Variants in FBXO10 observed in about 807,000 individuals in gnomAD.
The protein encoded by FBXO10 is F-box protein 10.
In FBXO10, 39 loss-of-function variants were observed where a neutral mutation model predicts 80.7. The ratio of observed to expected loss-of-function variants is 0.48; its 90% confidence interval spans 0.37 to 0.63. FBXO10 has a LOEUF of 0.63. Among genes scored for constraint, FBXO10 ranks in the 30% least tolerant of loss-of-function variants. FBXO10 has a pLI of 0.00. For synonymous variants in FBXO10, 449 were observed against 489.6 expected (o/e 0.92, Z 1.09); for missense variants, 1,025 against 1,269.0 (o/e 0.81, Z 2.92).
At chr9:37,558,663 C>T (rs1422485066) in intron 1 of FBXO10, among the ~76,000 whole-genome samples, 1 of 151,936 alleles carries the variant, frequency 6.6e-6, no homozygotes, top group Non-Finnish European at 1.5e-5. Context: ...GAAATGAGCC[C>T]CCATCATGCC....
At chr9:37,571,273 C>T (rs1822749519) in intron 1 of FBXO10, among the ~76,000 whole-genome samples, 1 of 152,064 alleles carries the variant, frequency 6.6e-6, no homozygotes. Context: ...ATTTCTGGAC[C>T]AACTGCAGCA....
At chr9:37,545,701 G>A (rs1433827456) in intron 1 of FBXO10, among the ~76,000 whole-genome samples, 1 of 152,190 alleles carries the variant, frequency 6.6e-6, no homozygotes, top group Non-Finnish European at 1.5e-5. Flanking sequence ...TCAACATCAT[G>A]TCCAAAATGG....
At chr9:37,516,439 GCTCCCAC>G (rs1280788591) in intron 9 of FBXO10, among the ~76,000 whole-genome samples, 1 of 152,164 alleles carries the variant, frequency 6.6e-6, no homozygotes, top group Non-Finnish European at 1.5e-5. Context: ...CCCTTCCTCT[GCTCCCAC>G]AGTGCTCAGA....
At chr9:37,545,412 T>G (rs187574673) in intron 1 of FBXO10, among the ~76,000 whole-genome samples, 4 of 152,080 alleles carry the variant, frequency 2.6e-5, no homozygotes, top group Non-Finnish European at 5.9e-5. Context: ...CTCCTAACCT[T>G]GTGATCTGCC....
chr9:37,571,714 C>CATAT (rs71494672), intron 1 of FBXO10, among the ~76,000 whole-genome samples: 3,212 of 92,970 alleles, frequency 0.035, 66 homozygotes, highest in Middle Eastern at 0.048. Context: ...AAAAGAGAGC[C>CATAT]ATATATATAT....
intron 1 of FBXO10, among the ~76,000 whole-genome samples, chr9:37,551,935 A>G (rs1049023090): frequency 1.3e-5 from 2 of 152,202 alleles, no homozygotes; most frequent in African/African-American, 2.4e-5. Context: ...CTGCCAAATC[A>G]CCTAGCTTTT....
chr9:37,539,561 T>C (rs1356996891), intron 2 of FBXO10, among the ~76,000 whole-genome samples: 2 of 152,184 alleles, frequency 1.3e-5, no homozygotes, highest in South Asian at 2.1e-4. Context: ...GAAATCAAAA[T>C]ATTACTCTAA....
chr9:37,532,570 T>A (rs1821657410), intron 3 of FBXO10, among the ~76,000 whole-genome samples: 1 of 152,186 alleles, frequency 6.6e-6, no homozygotes, highest in African/African-American at 2.4e-5. Flanking sequence ...GGTCTGGAAC[T>A]CTTGGGCTCA....
At chr9:37,564,694 T>A (rs2119185877) in intron 1 of FBXO10, among the ~76,000 whole-genome samples, 1 of 152,368 alleles carries the variant, frequency 6.6e-6, no homozygotes, top group South Asian at 2.1e-4. Flanking sequence ...GTAGCCCCTT[T>A]GGCCAATCTC....
chr9:37,541,756 C>A lies in FBXO10; in HGVS notation c.13G>T (p.Gly5Cys). The A allele has an allele frequency of 6.3e-7, 1 of 1,596,048 alleles. No individual in the cohort carries two copies. Among genetic ancestry groups the A allele is most frequent in the East Asian group, 2.2e-5 (1 of 44,494 alleles). Residue 5 changes from glycine to cysteine, a missense_variant, in exon 2 of 11, where the codon GGC becomes TGC. By Grantham distance (159) the Gly-to-Cys change is radical (BLOSUM62 -3). Transcript: ENST00000432825. MEAG[G>C]LPLELWRMIL... ...ATGCGCCACAGCTCCAAGGGGAGGCCACCAGCCTCCATGGTCACCTAGGAG... is the reference window on the plus strand; with the variant it reads ...ATGCGCCACAGCTCCAAGGGGAGGCAACCAGCCTCCATGGTCACCTAGGAG...
In FBXO10 at chr9:37,525,916, C is replaced by T. The variant is rs909211462; in HGVS notation, c.1707-744G>A. ...TTTTTTTGTTTAAGACATGGGTTCTCGCTATGTTGCTCAGGCTAGCCTCAA... is the reference window on the plus strand; with the variant it reads ...TTTTTTTGTTTAAGACATGGGTTCTTGCTATGTTGCTCAGGCTAGCCTCAA... On this transcript the variant is annotated intron_variant, in intron 5 of 10. Coordinates refer to ENST00000432825, the MANE Select transcript of FBXO10 (RefSeq NM_012166.3). Among the ~76,000 whole-genome samples, 10 of 152,160 alleles carry T rather than the reference C, an allele frequency of 6.6e-5. No homozygotes were observed. The South Asian group carries it at 1.0e-3, about 16-fold the overall frequency.
At chr9:37,574,445 GATGGCACT>G (rs1048338110) in intron 1 of FBXO10, among the ~76,000 whole-genome samples, 5 of 152,214 alleles carry the variant, frequency 3.3e-5, no homozygotes, top group Non-Finnish European at 7.3e-5. Context: ...CAACCAAAAT[GATGGCACT>G]ATGGTGAAGG....
intron 1 of FBXO10, among the ~76,000 whole-genome samples, chr9:37,553,916 CA>C (rs71494669): frequency 1.7e-3 from 108 of 64,332 alleles, no homozygotes; most frequent in Middle Eastern, 9.3e-3. Flanking sequence ...AAGTCTGCCT[CA>C]AAAAAAAAAA....
chr9:37,553,940 G>GAAAGA (rs1170321672), intron 1 of FBXO10, among the ~76,000 whole-genome samples: 1 of 97,794 alleles, frequency 1.0e-5, no homozygotes, highest in African/African-American at 4.1e-5. Flanking sequence ...AAAAAAAAAA[G>GAAAGA]AAAGAAAGAA....
intron 4 of FBXO10, among the ~76,000 whole-genome samples, chr9:37,529,638 G>A (rs1189111426): frequency 3.9e-5 from 6 of 152,164 alleles, no homozygotes; most frequent in Non-Finnish European, 8.8e-5. Context: ...TTGAGGAAAG[G>A]CAGCACCCCA....
chr9:37,533,213 G>A (rs550865767), intron 3 of FBXO10, among the ~76,000 whole-genome samples: 2 of 152,272 alleles, frequency 1.3e-5, no homozygotes, highest in African/African-American at 2.4e-5. Context: ...TCAACCAACT[G>A]TGGATTGAAT....
rs1588821934 is a variant in FBXO10, at chr9:37,518,422, G to C, written c.2217C>G (p.Val739=). Residue 739 remains valine (V), a synonymous_variant, in exon 9 of 11, where the codon GTC becomes GTG. Transcript: ENST00000432825. ...INHNGASGLY[V]QSSEALHVIT... is the part of the protein sequence containing the mutation. ...TGACATGCAGTGCCTCGCTGCTCTG[G>C]ACATAGAGTCCTGAGGCTATGGGTG... 3 of 1,601,632 alleles carry C rather than the reference G, an allele frequency of 1.9e-6. No homozygotes were observed. The highest frequency in any genetic ancestry group is 2.6e-6 in the Non-Finnish European group (3 of 1,172,670).
chr9:37,575,440 T>C (rs1382763078), intron 1 of FBXO10: 4 of 152,238 alleles, frequency 2.6e-5, no homozygotes, highest in African/African-American at 9.6e-5. Flanking sequence ...ATTAACAGCA[T>C]TATCTACTGA....
At chr9:37,524,422 G>A (rs1289737497) in intron 6 of FBXO10, among the ~76,000 whole-genome samples, 10 of 152,184 alleles carry the variant, frequency 6.6e-5, no homozygotes, top group Non-Finnish European at 1.5e-5. Flanking sequence ...CTGGAACACG[G>A]CCTGTATACC....
Sources: gnomAD v4.1 joint callset for allele counts (sites outside exome capture counted in the v4.1 genomes callset) on GRCh38, gnomAD v4.1.1 for gene constraint, MANE v1.5 for transcripts, NCBI Gene and HGNC (gene_info 2026-07-23, HGNC 2026-07-21) for gene names.